CANT1: variants seen among roughly 807,000 people sequenced by gnomAD.
CANT1 encodes soluble calcium-activated nucleotidase 1.
CANT1 carries 26 observed loss-of-function variants against 30.0 expected under a neutral mutation model. The ratio of observed to expected loss-of-function variants is 0.87; its 90% confidence interval spans 0.64 to 1.20. The LOEUF (loss-of-function observed/expected upper bound fraction) is 1.20, where lower values mean the gene tolerates loss of function less well. Ranked by LOEUF, CANT1 falls within the 50% of genes most tolerant of loss-of-function variation. The pLI is 0.00. For synonymous variants in CANT1, 246 were observed against 251.8 expected (o/e 0.98, Z 0.22); for missense variants, 518 against 563.0 (o/e 0.92, Z 0.81).
At chr17:79,009,357 G>T (rs1307195917) in intron 1 of CANT1, among the ~76,000 whole-genome samples, 1 of 152,306 alleles carries the variant, frequency 6.6e-6, no homozygotes, top group East Asian at 1.9e-4. Flanking sequence ...AGAGAGGAGG[G>T]GTGCCCACAC....
Position 78,995,312 on chromosome 17 carries a change from C to A in CANT1, c.632-91G>T. 2 of 1,365,810 alleles carry A rather than the reference C, an allele frequency of 1.5e-6. No homozygotes were observed. Among genetic ancestry groups the A allele is most frequent in the Middle Eastern group, 2.5e-4 (1 of 4,060 alleles). The allele number at this position is 1,365,810 out of a possible 1,614,324, so 84.6% of individuals were successfully genotyped here. ...ACCCGGCCCCGCACCTGTCCTTAGA[C>A]CCCGCACCTGACTCCCGCCCGGCTC... On this transcript the variant is annotated intron_variant, in intron 3 of 4. Coordinates refer to ENST00000392446, the MANE Select transcript of CANT1 (RefSeq NM_001159773.2). This position sits in a 1 kb window ranked among gnomAD's most constrained non-coding sequence, Gnocchi z 5.7.
intron 1 of CANT1, among the ~76,000 whole-genome samples, chr17:79,005,012 GGGGAGTTAGGGAGAA>G (rs1290826022): frequency 2.5e-4 from 2 of 7,970 alleles, no homozygotes; most frequent in Admixed American, 7.1e-4. Context: ...GAGTTAGGGA[GGGGAGTTAGGGAGAA>G]GGGAGTTAGG....
chr17:79,001,476 C>A (rs1053023266), intron 1 of CANT1, among the ~76,000 whole-genome samples: 1 of 152,190 alleles, frequency 6.6e-6, no homozygotes, highest in East Asian at 1.9e-4. Context: ...CACACTCCCA[C>A]AGACACTCAA....
At chr17:78,999,417 G>T (rs911575702) in intron 1 of CANT1, among the ~76,000 whole-genome samples, 4 of 152,164 alleles carry the variant, frequency 2.6e-5, no homozygotes, top group Non-Finnish European at 4.4e-5. Flanking sequence ...CAAAACCCCA[G>T]CCAGGCCCAA....
At position 78,997,592 on chromosome 17, in the gene CANT1, A is replaced by G; in HGVS notation, c.31T>C (p.Trp11Arg). 1 of 1,565,332 alleles carries G rather than the reference A, an allele frequency of 6.4e-7. No individual in the cohort carries two copies. Among genetic ancestry groups the G allele is most frequent in the Non-Finnish European group, 8.7e-7 (1 of 1,154,894 alleles). The change falls in exon 3 of 5, where the codon TGG (tryptophan) becomes CGG (arginine). Residue 11 changes from tryptophan to arginine, a missense_variant. Trp to Arg is a moderately radical substitution (Grantham distance 101). Coordinates refer to ENST00000392446, the MANE Select transcript of CANT1 (RefSeq NM_001159773.2). This position sits in a 1 kb window ranked among gnomAD's most constrained non-coding sequence, Gnocchi z 7.5. MPVQLSEHPE[W>R]NESMHSLRIS... Reference sequence around the variant, plus strand: ...CGGAGGGAGTGCATAGACTCATTCCATTCCGGGTGCTCAGACAGCTGCACG... The same window carrying G: ...CGGAGGGAGTGCATAGACTCATTCCGTTCCGGGTGCTCAGACAGCTGCACG...
rs886053523 is a variant in CANT1, at chr17:78,993,100, T to C, written c.*450A>G. On this transcript the variant is annotated 3_prime_UTR_variant, in exon 5 of 5. Coordinates refer to ENST00000392446, the MANE Select transcript of CANT1 (RefSeq NM_001159773.2). This position sits in a 1 kb window ranked among gnomAD's most constrained non-coding sequence, Gnocchi z 4.5. ...CAAGGATCTGCAGGGGTGGACATGATGCTCCAGGCACAGAGTAGGAAGAAA... is the reference window on the plus strand; with the variant it reads ...CAAGGATCTGCAGGGGTGGACATGACGCTCCAGGCACAGAGTAGGAAGAAA... 1 of 342,694 alleles carries C rather than the reference T, an allele frequency of 2.9e-6. No individual in the cohort carries two copies. The highest frequency in any genetic ancestry group is 8.5e-4 in the Middle Eastern group (1 of 1,176). The allele number at this position is 342,694 out of a possible 1,614,324, so 21.2% of individuals were successfully genotyped here.
intron 1 of CANT1, among the ~76,000 whole-genome samples, chr17:79,006,782 C>T (rs1199625236): frequency 6.6e-6 from 1 of 152,200 alleles, no homozygotes; most frequent in Non-Finnish European, 1.5e-5. Flanking sequence ...GATCATCGCC[C>T]CATGGACCTG....
Position 79,008,104 on chromosome 17 carries a change from G to A in CANT1, c.-147+1560C>T, listed in dbSNP as rs114825017. 3,759 of 152,490 alleles carry A rather than the reference G, an allele frequency of 0.025. 56 individuals carry two copies. Among genetic ancestry groups the A allele is most frequent in the East Asian group, 0.04 (208 of 5,178 alleles). 9.4% of individuals were successfully genotyped at this position (152,490 alleles called of 1,614,324 possible). ...AAGATGCCTGGGGCTGCCCCGACAG[G>A]AAACCCTTGCCACGTCCAGAGGGGA... On this transcript the variant is annotated intron_variant, in intron 1 of 4. Coordinates refer to ENST00000392446, the MANE Select transcript of CANT1 (RefSeq NM_001159773.2). This position sits in a 1 kb window ranked among gnomAD's most constrained non-coding sequence, Gnocchi z 4.4.
rs1158620336 is a variant in CANT1 at position 78,996,696 on chromosome 17, T to G, written c.631+296A>C. On this transcript the variant is annotated intron_variant, in intron 3 of 4. Coordinates refer to ENST00000392446, the MANE Select transcript of CANT1 (RefSeq NM_001159773.2). This position sits in a 1 kb window ranked among gnomAD's most constrained non-coding sequence, Gnocchi z 5.1. ...GTAAAAAGGGCGTGTTCCCAGAGGC[T>G]CCGAGAGCAGCAGCGGATACAGCCG... Among the ~76,000 whole-genome samples, 1 of 152,158 alleles carries G rather than the reference T, an allele frequency of 6.6e-6. No individual in the cohort carries two copies. Among genetic ancestry groups the G allele is most frequent in the African/African-American group, 2.4e-5 (1 of 41,436 alleles).
intron 1 of CANT1, among the ~76,000 whole-genome samples, chr17:79,005,167 A>AGATGAGTTAG: frequency 2.6e-5 from 1 of 38,496 alleles, no homozygotes; most frequent in African/African-American, 1.3e-4. Flanking sequence ...AGAGGAGTTA[A>AGATGAGTTAG]GGAGAGGGGA....
In CANT1 at chr17:78,991,945, C is replaced by A. The variant is rs998440550; in HGVS notation, c.*1605G>T. 1 of 231,692 alleles carries A rather than the reference C, an allele frequency of 4.3e-6. No homozygotes were observed. Among genetic ancestry groups the A allele is most frequent in the Non-Finnish European group, 8.5e-6 (1 of 117,182 alleles). 14.4% of individuals were successfully genotyped at this position (231,692 alleles called of 1,614,324 possible). ...CTCAATTCAGCCACAGTCCCAAGTC[C>A]CCCAACCTTCCTGATTGCATCTCTA... is the stretch of plus-strand genomic sequence containing the variant. On this transcript the variant is annotated 3_prime_UTR_variant, in exon 5 of 5. Coordinates refer to ENST00000392446, the MANE Select transcript of CANT1 (RefSeq NM_001159773.2).
chr17:78,993,884 G>C lies in CANT1; in HGVS notation c.872C>G (p.Thr291Arg). The C allele has an allele frequency of 6.3e-7, 1 of 1,594,016 alleles. No homozygotes were observed. Among genetic ancestry groups the C allele is most frequent in the Non-Finnish European group, 8.5e-7 (1 of 1,175,726 alleles). ...CGGCAGGAAGAACCAGCGCTGCAGC[G>C]TGTCACTCCAGCAGGCAGACTCATG... Reference protein sequence around the residue: ...LIHESACWSDTLQRWFFLPRR... With the variant: ...LIHESACWSDRLQRWFFLPRR... Residue 291 changes from threonine to arginine, a missense_variant, in exon 5 of 5, where the codon ACG (threonine) becomes AGG (arginine). Physicochemically the swap from Thr to Arg is moderately conservative, Grantham distance 71. Transcript: ENST00000392446. This position sits in a 1 kb window ranked among gnomAD's most constrained non-coding sequence, Gnocchi z 4.5.
rs2071049203 is a variant in CANT1 at position 78,996,826 on chromosome 17, C to G, written c.631+166G>C. The G allele has an allele frequency of 6.4e-6, 6 of 943,502 alleles. 1 individual carries two copies. In the South Asian group the frequency reaches 6.5e-5, roughly 10 times the overall value. 58.4% of individuals were successfully genotyped at this position (943,502 alleles called of 1,614,324 possible). On this transcript the variant is annotated intron_variant, in intron 3 of 4. Transcript: ENST00000392446. The surrounding 1 kb of genome is among the most constrained non-coding windows in gnomAD (Gnocchi z 5.1). ...AAGTGACAGTAGGCTATGCTCCTGG[C>G]TAAGGGTAAGGGGGCCGCAGGTCAG...
In CANT1 at chr17:78,992,167, A is replaced by G. The variant is rs1031607148; in HGVS notation, c.*1383T>C. The G allele has an allele frequency of 9.9e-5, 23 of 232,570 alleles. No individual in the cohort carries two copies. The highest frequency in any genetic ancestry group is 3.5e-4 in the African/African-American group (16 of 45,378). The allele number at this position is 232,570 out of a possible 1,614,324, so 14.4% of individuals were successfully genotyped here. On this transcript the variant is annotated 3_prime_UTR_variant, in exon 5 of 5. Coordinates refer to ENST00000392446, the MANE Select transcript of CANT1 (RefSeq NM_001159773.2). ...TATGACATAGCGGGGGAAAGAGACA[A>G]CCATGAGAGAGGGGTCCCTCCTCGC...
Position 79,008,812 on chromosome 17 carries a change from G to A in CANT1, c.-147+852C>T, listed in dbSNP as rs540109384. Among the ~76,000 whole-genome samples, 6 of 152,292 alleles carry A rather than the reference G, an allele frequency of 3.9e-5. No homozygotes were observed. The South Asian group carries it at 1.0e-3, about 26-fold the overall frequency. On this transcript the variant is annotated intron_variant, in intron 1 of 4. Transcript: ENST00000392446. This position sits in a 1 kb window ranked among gnomAD's most constrained non-coding sequence, Gnocchi z 4.4. ...AGACCGGATGGCAGTAGGGGTGTGA[G>A]ACAGGTATGGTGGGGAGGGCGAATC...
rs1380837058 is a variant in CANT1, at chr17:78,995,592, G to A, written c.632-371C>T. Among the ~76,000 whole-genome samples the A allele has an allele frequency of 1.3e-5, 2 of 152,340 alleles. No individual in the cohort carries two copies. Among genetic ancestry groups the A allele is most frequent in the African/African-American group, 2.4e-5 (1 of 41,580 alleles). ...CCTCGGCCACACCTGAGGTCTCACC[G>A]AGCATCACTCTAACTCCAGTGGCCG... On this transcript the variant is annotated intron_variant, in intron 3 of 4. Transcript: ENST00000392446. The surrounding 1 kb of genome is among the most constrained non-coding windows in gnomAD (Gnocchi z 5.7).
At position 79,008,691 on chromosome 17, in the gene CANT1, C is replaced by G. The variant is rs575626980; in HGVS notation, c.-147+973G>C. ...TGCTCTGTGCCAAGCCTAGGGTACA[C>G]AGAGGGCAAGGGAAAGACCATTCGG... is the stretch of plus-strand genomic sequence containing the variant. On this transcript the variant is annotated intron_variant, in intron 1 of 4. Coordinates refer to ENST00000392446, the MANE Select transcript of CANT1 (RefSeq NM_001159773.2). This position sits in a 1 kb window ranked among gnomAD's most constrained non-coding sequence, Gnocchi z 4.4. Among the ~76,000 whole-genome samples, 181 of 152,200 alleles carry G rather than the reference C, an allele frequency of 1.2e-3. No homozygotes were observed. Among genetic ancestry groups the G allele is most frequent in the African/African-American group, 4.1e-3 (172 of 41,502 alleles).
Position 78,997,147 on chromosome 17 carries a change from G to T in CANT1, c.476C>A (p.Ala159Glu). ...TAGCTCCATGCCTCTCCCCTTCTCC[G>T]CCAGGTGGGACTCCAGGACCCCATG... ...KDHGVLESHL[A>E]EKGRGMELSD... Residue 159 changes from alanine (A) to glutamate (E), a missense_variant, in exon 3 of 5, where the codon GCG becomes GAG. Physicochemically the swap from Ala to Glu is moderately radical, Grantham distance 107. This residue lies in a region of CANT1 where 249 missense variants were observed against 268.8 expected (regional missense o/e 0.93). Coordinates refer to ENST00000392446, the MANE Select transcript of CANT1 (RefSeq NM_001159773.2). The surrounding 1 kb of genome is among the most constrained non-coding windows in gnomAD (Gnocchi z 7.5). 6.2e-7 allele frequency: 1 copy of T among 1,614,088 alleles called. No individual in the cohort carries two copies. The highest frequency in any genetic ancestry group is 8.5e-7 in the Non-Finnish European group (1 of 1,180,030).
chr17:78,997,162 A>G lies in CANT1; in HGVS notation c.461T>C (p.Leu154Pro). ...AVEWDKDHGVLESHLAEKGRG... is the reference protein window; with the variant it reads ...AVEWDKDHGVPESHLAEKGRG... ...CCCCTTCTCCGCCAGGTGGGACTCC[A>G]GGACCCCATGGTCTTTGTCCCATTC... is the stretch of plus-strand genomic sequence containing the variant. Residue 154 changes from leucine to proline, a missense_variant, in exon 3 of 5, where the codon CTG (leucine) becomes CCG (proline). By Grantham distance (98) the Leu-to-Pro change is moderately conservative. Around this residue, in one of 3 missense-constraint regions of CANT1, gnomAD observed 249 missense variants for 268.8 expected, o/e 0.93. Transcript: ENST00000392446. This position sits in a 1 kb window ranked among gnomAD's most constrained non-coding sequence, Gnocchi z 7.5. The G allele has an allele frequency of 6.2e-7, 1 of 1,614,168 alleles. No individual in the cohort carries two copies. Among genetic ancestry groups the G allele is most frequent in the Non-Finnish European group, 8.5e-7 (1 of 1,180,050 alleles).
Sources: allele counts gnomAD v4.1 joint callset (sites outside exome capture counted in the v4.1 genomes callset), GRCh38; gene constraint gnomAD v4.1.1; regional missense constraint gnomAD v4.1.1; non-coding constraint Gnocchi (gnomAD v3.1); transcripts MANE v1.5; gene names NCBI Gene and HGNC (gene_info 2026-07-23, HGNC 2026-07-21).